The following C1orf54 variants were observed in gnomAD, a reference collection of about 807,000 sequenced individuals.
The protein encoded by C1orf54 is uncharacterized protein C1orf54.
A neutral mutation model predicts 14.7 loss-of-function variants in C1orf54; 12 were observed. The ratio of observed to expected loss-of-function variants is 0.82; its 90% CI spans 0.52 to 1.32. The LOEUF (loss-of-function observed/expected upper bound fraction) is 1.32. C1orf54 is among the 40% of genes most tolerant of loss of function. C1orf54 has a pLI of 0.00. For missense variants in C1orf54, 163 were observed against 162.2 expected (o/e 1.00, Z -0.03); for synonymous variants, 65 against 56.3 (o/e 1.16, Z -0.70).
At chr1:150,278,029 G>A (rs113876270) in intron 4 of C1orf54, among the ~76,000 whole-genome samples, 5,075 of 152,070 alleles carry the variant, frequency 0.033, 281 homozygotes, top group African/African-American at 0.11. Context: ...CCTGGGAGGC[G>A]GAGGTTGCAG....
intron 4 of C1orf54, 59 bp from the exon 5 acceptor site, chr1:150,279,584 G>A (rs1038273408): frequency 2.7e-6 from 4 of 1,479,128 alleles, no homozygotes; most frequent in Non-Finnish European, 2.8e-6. Context: ...GAGGGGGACA[G>A]AGAAGTGGTA....
upstream of C1orf54, among the ~76,000 whole-genome samples, chr1:150,271,023 G>A (rs1652176943): frequency 6.6e-6 from 1 of 151,288 alleles, no homozygotes; most frequent in Admixed American, 6.6e-5. Context: ...AATTAAGAGG[G>A]TAGCGTTATC....
chr1:150,272,780 T>C, upstream of C1orf54: 1 of 1,612,516 alleles, frequency 6.2e-7, no homozygotes, highest in Admixed American at 1.7e-5. Flanking sequence ...CTCTGTAATT[T>C]CCTTTTTTAC....
intron 1 of C1orf54, 82 bp from the exon 2 acceptor site, chr1:150,274,005 G>GA: frequency 1.2e-6 from 1 of 853,568 alleles, no homozygotes; most frequent in Non-Finnish European, 1.9e-6. Context: ...AGAAAGCTGG[G>GA]AGCGCTGAGG....
intron 2 of C1orf54, among the ~76,000 whole-genome samples, chr1:150,274,659 T>C (rs2101871146): frequency 6.7e-6 from 1 of 149,428 alleles, no homozygotes; most frequent in South Asian, 2.1e-4. Flanking sequence ...ATGCCTGTAA[T>C]CCCAGCACTT....
At chr1:150,271,643 G>A (rs73011380), upstream of C1orf54, among the ~76,000 whole-genome samples, 14,272 of 152,242 alleles carry the variant, frequency 0.094, 1,894 homozygotes, top group African/African-American at 0.29. Flanking sequence ...TGCCTAGCAC[G>A]TATGTTGCTA....
intron 2 of C1orf54, among the ~76,000 whole-genome samples, 191 bp downstream of exon 2, chr1:150,274,361 G>C (rs1178700336): frequency 6.6e-6 from 1 of 152,192 alleles, no homozygotes; most frequent in Non-Finnish European, 1.5e-5. Flanking sequence ...AGCACTTTGG[G>C]AGGCTGAGGC....
chr1:150,274,075 T>C lies in C1orf54; in HGVS notation c.47-12T>C. The C allele has an allele frequency of 6.2e-7, 1 of 1,600,738 alleles. No homozygotes were observed. Among genetic ancestry groups the C allele is most frequent in the Middle Eastern group, 1.7e-4 (1 of 6,034 alleles). On this transcript the variant is annotated splice_polypyrimidine_tract_variant and intron_variant, in intron 1 of 5. Coordinates refer to ENST00000369099, the MANE Select transcript of C1orf54 (RefSeq NM_024579.4). ...CCAGATGTCCCTTGACCTCTAGTCC[T>C]TGTCCCCATAGGACAAGAATATGAG...
upstream of C1orf54, among the ~76,000 whole-genome samples, chr1:150,270,513 C>T (rs187748649): frequency 2.5e-4 from 38 of 151,606 alleles, 1 homozygote; most frequent in East Asian, 5.3e-3. Flanking sequence ...CATGGTGGTG[C>T]GCACCTGTAG....
At position 150,275,753 on chromosome 1, in the gene C1orf54, C is replaced by T; in HGVS notation, c.143C>T (p.Ala48Val). 1 of 1,611,458 alleles carries T rather than the reference C, an allele frequency of 6.2e-7. No individual in the cohort carries two copies. Among genetic ancestry groups the T allele is most frequent in the South Asian group, 1.1e-5 (1 of 90,954 alleles). The change falls in exon 3 of 6, where the codon GCA becomes GTA. Residue 48 changes from alanine to valine, a missense_variant. Transcript: ENST00000369099. Reference sequence around the variant, plus strand: ...TTCTCCTCTGCAGATGACTTTAGTGCAGATTTCACCATTGATTACTCCATA... The same window carrying T: ...TTCTCCTCTGCAGATGACTTTAGTGTAGATTTCACCATTGATTACTCCATA... ...TVTPSYDDFS[A>V]DFTIDYSIFE...
At chr1:150,278,933 G>T (rs1297118625) in intron 4 of C1orf54, among the ~76,000 whole-genome samples, 2 of 152,230 alleles carry the variant, frequency 1.3e-5, no homozygotes, top group Non-Finnish European at 2.9e-5. Context: ...AAGCCAGTAA[G>T]AATGGAAGTG....
At chr1:150,274,210 A>G (rs1553851926) in intron 2 of C1orf54, 40 bp downstream of exon 2, 2 of 1,397,790 alleles carry the variant, frequency 1.4e-6, no homozygotes, top group African/African-American at 2.8e-5. Flanking sequence ...CCAACTGGAG[A>G]GAGGCTTCAG....
upstream of C1orf54, among the ~76,000 whole-genome samples, chr1:150,271,636 C>G (rs782287479): frequency 3.3e-5 from 5 of 152,224 alleles, no homozygotes; most frequent in Admixed American, 6.5e-5. Context: ...CACACTGTGC[C>G]TAGCACGTAT....
At chr1:150,273,959 A>C in intron 1 of C1orf54, 128 bp from the exon 2 acceptor site, 1 of 671,046 alleles carries the variant, frequency 1.5e-6, no homozygotes, top group Non-Finnish European at 2.7e-6. Flanking sequence ...TGACTATTGG[A>C]GGAGAGAGAG....
At chr1:150,274,599 C>A (rs1365826572) in intron 2 of C1orf54, among the ~76,000 whole-genome samples, 47 of 135,500 alleles carry the variant, frequency 3.5e-4, no homozygotes, top group South Asian at 7.4e-4. Context: ...GACTCCATCT[C>A]AAAAAAAAAA....
At chr1:150,270,951 G>A (rs1438418965), upstream of C1orf54, among the ~76,000 whole-genome samples, 13 of 139,358 alleles carry the variant, frequency 9.3e-5, no homozygotes, top group Middle Eastern at 5.0e-3. Flanking sequence ...AGCCGAGATC[G>A]TGCCACTGCA....
upstream of C1orf54, among the ~76,000 whole-genome samples, chr1:150,271,615 A>T (rs891853490): frequency 6.6e-6 from 1 of 152,244 alleles, no homozygotes; most frequent in Non-Finnish European, 1.5e-5. Flanking sequence ...TGCCTATCAC[A>T]CTAGGCCTAG....
intron 4 of C1orf54, 67 bp downstream of exon 4, chr1:150,276,699 G>C: frequency 7.9e-7 from 1 of 1,259,792 alleles, no homozygotes; most frequent in East Asian, 2.3e-5. Flanking sequence ...AATACATAGA[G>C]GGCTGGAATA....
At chr1:150,275,088 G>C (rs587686517) in intron 2 of C1orf54, among the ~76,000 whole-genome samples, 15 of 150,540 alleles carry the variant, frequency 1.0e-4, no homozygotes, top group African/African-American at 3.7e-4. Context: ...ACCCAGGCTA[G>C]AGTGCAGTGG....
Sources: allele counts gnomAD v4.1 joint callset (sites outside exome capture counted in the v4.1 genomes callset), GRCh38; gene constraint gnomAD v4.1.1; transcripts MANE v1.5; gene names NCBI Gene and HGNC (gene_info 2026-07-23, HGNC 2026-07-21).